The following SYCP2 variants were observed in gnomAD, a reference collection of about 807,000 sequenced individuals.
SYCP2 encodes the protein synaptonemal complex protein 2.
Under a neutral mutation model 211.3 loss-of-function variants are expected in SYCP2, and 55 were observed. The observed-to-expected ratio is 0.26, with a 90% CI of 0.21 to 0.33. SYCP2 has a LOEUF of 0.33. SYCP2 is among the 10% of genes least tolerant of loss of function. The pLI, the probability that SYCP2 is intolerant of heterozygous loss-of-function variation, is 1.00. For missense variants in SYCP2, 1,731 were observed against 1,752.0 expected (o/e 0.99, Z 0.21); for synonymous variants, 570 against 555.2 (o/e 1.03, Z -0.37).
rs2059416725 is a variant in SYCP2 at position 59,869,808 on chromosome 20, C to A, written c.3731G>T (p.Ser1244Ile). Residue 1244 changes from serine to isoleucine, a missense_variant, in exon 36 of 45, where the codon AGC becomes ATC. By Grantham distance (142) the Ser-to-Ile change is moderately radical. Around this residue, in one of 3 missense-constraint regions of SYCP2, gnomAD observed 1,387 missense variants for 1,351.3 expected, o/e 1.03. Transcript: ENST00000357552. ...SPHINENYIQSKREESHLASS... is the reference protein window; with the variant it reads ...SPHINENYIQIKREESHLASS... ...TAGTCCCACACTTACCTCTCTTTTG[C>A]TTTGTATATAATTTTCATTGATATG... 2 of 1,599,314 alleles carry A rather than the reference C, an allele frequency of 1.3e-6. No individual in the cohort carries two copies. Among genetic ancestry groups the A allele is most frequent in the South Asian group, 1.1e-5 (1 of 89,806 alleles).
chr20:59,926,357 T>C (rs1433573600), intron 2 of SYCP2, among the ~76,000 whole-genome samples: 1 of 152,016 alleles, frequency 6.6e-6, no homozygotes, highest in Non-Finnish European at 1.5e-5. Flanking sequence ...CCTCTGAAAG[T>C]GCTGGAAGAA....
chr20:59,920,285 G>T, intron 5 of SYCP2, 74 bp downstream of exon 5: 4 of 1,305,792 alleles, frequency 3.1e-6, no homozygotes, highest in South Asian at 3.1e-5. Context: ...CAACAATTTG[G>T]ATAATTTCTT....
rs753580085 is a variant in SYCP2, at chr20:59,886,810, A to T, written c.2389T>A (p.Phe797Ile). The change falls in exon 25 of 45, where the codon TTT becomes ATT. Residue 797 changes from phenylalanine to isoleucine, a missense_variant. Physicochemically the swap from Phe to Ile is conservative, Grantham distance 21 (BLOSUM62 0). Coordinates refer to ENST00000357552, the MANE Select transcript of SYCP2 (RefSeq NM_014258.4). The part of the protein sequence containing the change: ...KMREKSKGKE[F>I]TNVAESLISQ... ...ATCAAGGATTCTGCTACATTGGTAA[A>T]TTCTTTCCCTTTTGACTTTTCTCTC... 1 of 1,585,144 alleles carries T rather than the reference A, an allele frequency of 6.3e-7. No individual in the cohort carries two copies. The highest frequency in any genetic ancestry group is 8.5e-7 in the Non-Finnish European group (1 of 1,171,246).
chr20:59,876,685 T>C (rs768607768), intron 33 of SYCP2, among the ~76,000 whole-genome samples: 2 of 152,020 alleles, frequency 1.3e-5, no homozygotes, highest in Non-Finnish European at 2.9e-5. Flanking sequence ...TTACCTATAG[T>C]ACTTATGAGA....
chr20:59,895,414 A>C, intron 20 of SYCP2, 23 bp downstream of exon 20: 2 of 1,564,692 alleles, frequency 1.3e-6, no homozygotes, highest in East Asian at 2.3e-5. Context: ...AATATTTTTA[A>C]AATACTTTCA....
In SYCP2 at chr20:59,863,679, A is replaced by G. The variant is rs2059276942; in HGVS notation, c.*632T>C. 6.6e-6 allele frequency: 1 copy of G among 152,018 alleles called. No homozygotes were observed. Among genetic ancestry groups the G allele is most frequent in the African/African-American group, 2.4e-5 (1 of 41,428 alleles). 9.4% of individuals were successfully genotyped at this position (152,018 alleles called of 1,614,324 possible). A position where few individuals can be genotyped will look rare whatever the true frequency, so the allele number is the denominator to read the frequency against. On this transcript the variant is annotated 3_prime_UTR_variant, in exon 45 of 45. Transcript: ENST00000357552. ...CTAGCAAGATATTACAATGACTACT[A>G]GATTAAAAGTATTTGTCAAACAGCC... is the stretch of plus-strand genomic sequence containing the variant.
At position 59,864,063 on chromosome 20, in the gene SYCP2, T is replaced by G; in HGVS notation, c.*248A>C. On this transcript the variant is annotated 3_prime_UTR_variant, in exon 45 of 45. Transcript: ENST00000357552. ...ATGAGTATAATTAACTCAAAAAGTT[T>G]CTTAAAGCTTTTATCTCCAAAATTA... 3.7e-6 allele frequency: 1 copy of G among 270,746 alleles called. No homozygotes were observed. The highest frequency in any genetic ancestry group is 7.0e-6 in the Non-Finnish European group (1 of 143,858). The allele number at this position is 270,746 out of a possible 1,614,324, so 16.8% of individuals were successfully genotyped here. A position where few individuals can be genotyped will look rare whatever the true frequency, so the allele number is the denominator to read the frequency against.
At chr20:59,879,713 G>A (rs117066341) in intron 31 of SYCP2, among the ~76,000 whole-genome samples, 2,911 of 149,922 alleles carry the variant, frequency 0.019, 42 homozygotes, top group Middle Eastern at 0.041. Flanking sequence ...AAAAAAATCT[G>A]GAAGAAAATT....
intron 5 of SYCP2, 137 bp from the exon 6 acceptor site, chr20:59,919,734 C>T: frequency 2.0e-6 from 1 of 502,106 alleles, no homozygotes; most frequent in East Asian, 3.5e-5. Context: ...AAAATAAATT[C>T]ATGTTTTTAA....
At chr20:59,879,241 C>A (rs182476802) in intron 31 of SYCP2, among the ~76,000 whole-genome samples, 1 of 152,054 alleles carries the variant, frequency 6.6e-6, no homozygotes, top group African/African-American at 2.4e-5. Flanking sequence ...GATCTATGTA[C>A]CAAATACTTC....
intron 30 of SYCP2, 87 bp from the exon 31 acceptor site, chr20:59,880,558 C>T (rs572079942): frequency 7.6e-6 from 5 of 657,228 alleles, no homozygotes; most frequent in Non-Finnish European, 1.2e-5. Context: ...ACAACAACAA[C>T]AAAAAAAAAC....
intron 15 of SYCP2, among the ~76,000 whole-genome samples, chr20:59,903,850 G>A (rs1410287628): frequency 6.6e-6 from 1 of 152,160 alleles, no homozygotes; most frequent in African/African-American, 2.4e-5. Flanking sequence ...TCCAAAGTTG[G>A]AAGCTGGAGA....
chr20:59,893,775 G>A (rs569324065), intron 20 of SYCP2, among the ~76,000 whole-genome samples, 182 bp from the exon 21 acceptor site: 22 of 151,962 alleles, frequency 1.4e-4, no homozygotes, highest in African/African-American at 4.6e-4. Context: ...TGAAACACAA[G>A]AAGAAAACTG....
intron 20 of SYCP2, among the ~76,000 whole-genome samples, chr20:59,894,815 AAG>A (rs1175593821): frequency 1.3e-5 from 2 of 152,078 alleles, no homozygotes; most frequent in East Asian, 3.8e-4. Context: ...CTGTTTCTCC[AAG>A]AAACTATTCT....
intron 13 of SYCP2, 173 bp from the exon 14 acceptor site, chr20:59,912,018 C>T (rs994525882): frequency 8.2e-5 from 36 of 437,278 alleles, no homozygotes; most frequent in Admixed American, 4.3e-5. Context: ...TGAAATGCTA[C>T]TTTAATATTT....
At chr20:59,868,710 T>A in intron 37 of SYCP2, 125 bp downstream of exon 37, 1 of 1,239,274 alleles carries the variant, frequency 8.1e-7, no homozygotes, top group Non-Finnish European at 1.1e-6. Context: ...CAATTCTACC[T>A]AGTTTATTTT....
At chr20:59,893,225 T>C (rs376528644) in intron 21 of SYCP2, 26 bp from the exon 22 acceptor site, 10 of 1,478,348 alleles carry the variant, frequency 6.8e-6, no homozygotes, top group Non-Finnish European at 9.3e-6. Context: ...ATTATAATAT[T>C]TTCATTTTTT....
intron 13 of SYCP2, chr20:59,912,084 T>C (rs187620895): frequency 7.5e-6 from 3 of 397,544 alleles, no homozygotes; most frequent in Non-Finnish European, 4.5e-6. Context: ...CTAATAAAGG[T>C]TGAAAGTACT....
intron 28 of SYCP2, 60 bp from the exon 29 acceptor site, chr20:59,881,552 G>A: frequency 8.6e-6 from 7 of 817,836 alleles, no homozygotes; most frequent in Non-Finnish European, 1.1e-5. Flanking sequence ...AAGATTAAAA[G>A]GAATAAACAT....
Sources: allele counts gnomAD v4.1 joint callset (sites outside exome capture counted in the v4.1 genomes callset), GRCh38; gene constraint gnomAD v4.1.1; regional missense constraint gnomAD v4.1.1; transcripts MANE v1.5; gene names NCBI Gene and HGNC (gene_info 2026-07-23, HGNC 2026-07-21).